NIPBL: variants seen among roughly 807,000 people sequenced by gnomAD.
NIPBL encodes nipped-B-like protein.
A neutral mutation model predicts 321.8 loss-of-function variants in NIPBL; 19 were observed. The observed-to-expected ratio is 0.06, with a 90% CI of 0.04 to 0.09. NIPBL has a LOEUF of 0.09. NIPBL is among the 10% of genes least tolerant of loss of function. NIPBL has a pLI of 1.00. For missense variants in NIPBL, 2,210 were observed against 3,327.0 expected (o/e 0.66, Z 8.26); for synonymous variants, 1,106 against 1,114.1 (o/e 0.99, Z 0.14).
chr5:36,905,822 C>G (rs1747589549), intron 1 of NIPBL, among the ~76,000 whole-genome samples: 1 of 151,970 alleles, frequency 6.6e-6, no homozygotes, highest in South Asian at 2.1e-4. Context: ...TGGCTCACTG[C>G]AAGCTCCGCC....
At chr5:36,910,149 A>G (rs1747938447) in intron 1 of NIPBL, among the ~76,000 whole-genome samples, 1 of 152,146 alleles carries the variant, frequency 6.6e-6, no homozygotes, top group Non-Finnish European at 1.5e-5. Flanking sequence ...TGGATAAGTA[A>G]GGCCTGGAAG....
At chr5:37,013,180 C>T (rs1401282974) in intron 21 of NIPBL, among the ~76,000 whole-genome samples, 1 of 150,926 alleles carries the variant, frequency 6.6e-6, no homozygotes, top group East Asian at 2.0e-4. Flanking sequence ...CTGACCCCCC[C>T]ACCTCCCTCC....
intron 10 of NIPBL, 95 bp downstream of exon 10, chr5:36,986,396 G>A (rs1744807886): frequency 3.6e-6 from 3 of 823,986 alleles, no homozygotes; most frequent in Non-Finnish European, 5.1e-6. Context: ...AAATTAGAAA[G>A]CTACTACATG....
In NIPBL at chr5:36,986,586, T is replaced by C. The variant is rs294695; in HGVS notation, c.3121+285T>C. Among the ~76,000 whole-genome samples, 21,595 of 152,170 alleles carry C rather than the reference T, an allele frequency of 0.14. 1,903 individuals are homozygous for C. Among genetic ancestry groups the C allele is most frequent in the East Asian group, 0.31 (1,598 of 5,164 alleles). On this transcript the variant is annotated intron_variant, in intron 10 of 46. Transcript: ENST00000282516. ...GTTATTTTGCTGTTTAGTTATTTCT[T>C]ATATTTCTGAAATATGCTTAAGTGA...
intron 21 of NIPBL, among the ~76,000 whole-genome samples, chr5:37,013,385 G>A (rs1748474130): frequency 6.6e-6 from 1 of 152,082 alleles, no homozygotes; most frequent in African/African-American, 2.4e-5. Context: ...GTGGCTGCTG[G>A]GCGGAGACGC....
intron 6 of NIPBL, among the ~76,000 whole-genome samples, chr5:36,965,689 G>A (rs1742126998): frequency 6.6e-6 from 1 of 152,042 alleles, no homozygotes; most frequent in Admixed American, 6.6e-5. Flanking sequence ...TTACCATACA[G>A]AAAAGACAAA....
chr5:37,015,609 A>T (rs1394911344), intron 22 of NIPBL, among the ~76,000 whole-genome samples: 2 of 152,094 alleles, frequency 1.3e-5, no homozygotes, highest in African/African-American at 4.8e-5. Flanking sequence ...GCACGCCTGT[A>T]GTCCCAGCTA....
At chr5:36,900,025 GA>G (rs1201438485) in intron 1 of NIPBL, among the ~76,000 whole-genome samples, 1 of 152,144 alleles carries the variant, frequency 6.6e-6, no homozygotes, top group Non-Finnish European at 1.5e-5. Flanking sequence ...TCTTAGTGAT[GA>G]TGATGATTAT....
intron 45 of NIPBL, among the ~76,000 whole-genome samples, chr5:37,063,429 G>A (rs944942197): frequency 2.0e-5 from 3 of 152,216 alleles, no homozygotes; most frequent in African/African-American, 7.2e-5. Context: ...ATTATCACCT[G>A]ATTGCTTGAT....
At chr5:37,062,123 A>G (rs1365382756) in intron 45 of NIPBL, among the ~76,000 whole-genome samples, 1 of 152,228 alleles carries the variant, frequency 6.6e-6, no homozygotes, top group Non-Finnish European at 1.5e-5. Context: ...GGCATGAGCC[A>G]CCATACCTGG....
intron 23 of NIPBL, among the ~76,000 whole-genome samples, chr5:37,016,453 G>A (rs1418467610): frequency 6.6e-6 from 1 of 151,494 alleles, no homozygotes; most frequent in Non-Finnish European, 1.5e-5. Flanking sequence ...TCAACACTGA[G>A]TCATAAGTTA....
At chr5:36,962,308 T>A (rs766391539) in intron 6 of NIPBL, 34 bp downstream of exon 6, 17 of 1,611,534 alleles carry the variant, frequency 1.1e-5, no homozygotes, top group Non-Finnish European at 1.4e-5. Flanking sequence ...ACTGGGAATG[T>A]CTAAGTGCTT....
At chr5:36,974,575 T>A (rs1743230545) in intron 8 of NIPBL, among the ~76,000 whole-genome samples, 1 of 152,158 alleles carries the variant, frequency 6.6e-6, no homozygotes, top group Non-Finnish European at 1.5e-5. Flanking sequence ...TCAAGAATGT[T>A]GTAAAAATCA....
At chr5:37,032,189 G>A (rs1441780447) in intron 32 of NIPBL, among the ~76,000 whole-genome samples, 2 of 152,200 alleles carry the variant, frequency 1.3e-5, no homozygotes, top group Admixed American at 1.3e-4. Flanking sequence ...GTATATTGGT[G>A]TAGGGACTTG....
At chr5:36,958,865 T>G (rs190457379) in intron 4 of NIPBL, among the ~76,000 whole-genome samples, 172 of 152,280 alleles carry the variant, frequency 1.1e-3, no homozygotes, top group African/African-American at 4.0e-3. Context: ...CAGGAATAGC[T>G]TGGACAACTT....
chr5:36,980,739 C>T (rs1463155017), intron 9 of NIPBL, among the ~76,000 whole-genome samples: 1 of 151,598 alleles, frequency 6.6e-6, no homozygotes, highest in South Asian at 2.1e-4. Flanking sequence ...CAATGCATTT[C>T]GCAGAATGTA....
In NIPBL at chr5:37,065,162, TAAAAAA is replaced by T; in HGVS notation, c.*273_*278del. On this transcript the variant is annotated 3_prime_UTR_variant, in exon 47 of 47. Transcript: ENST00000282516. ...TATCTTGGAAAAAAAACTTTCTGTT[TAAAAAA>T]AATAAACAAGTGAATGTTGGAAATT... is the stretch of plus-strand genomic sequence containing the variant. The T allele has an allele frequency of 2.2e-6, 1 of 453,644 alleles. No homozygotes were observed. The highest frequency in any genetic ancestry group is 2.4e-5 in the South Asian group (1 of 41,168). 28.1% of individuals were successfully genotyped at this position (453,644 alleles called of 1,614,324 possible). A position where few individuals can be genotyped will look rare whatever the true frequency, so the allele number is the denominator to read the frequency against.
At chr5:37,053,482 CATA>C (rs966387528) in intron 42 of NIPBL, among the ~76,000 whole-genome samples, 12 of 152,202 alleles carry the variant, frequency 7.9e-5, no homozygotes, top group South Asian at 4.1e-4. Flanking sequence ...AAGAGATTAA[CATA>C]ATAATAAAAT....
At chr5:37,020,967 G>C (rs1283033234) in intron 27 of NIPBL, 90 bp downstream of exon 27, 7 of 920,576 alleles carry the variant, frequency 7.6e-6, no homozygotes, top group Non-Finnish European at 1.3e-5. Context: ...TCATTGTTGA[G>C]TACAGATACT....
Sources: gnomAD v4.1 joint callset for allele counts (sites outside exome capture counted in the v4.1 genomes callset) on GRCh38, gnomAD v4.1.1 for gene constraint, MANE v1.5 for transcripts, NCBI Gene and HGNC (gene_info 2026-07-23, HGNC 2026-07-21) for gene names.